The following MAP3K1 variants were observed in gnomAD, a reference collection of about 807,000 sequenced individuals.
MAP3K1 encodes the protein mitogen-activated protein kinase kinase kinase 1.
A neutral mutation model predicts 144.2 loss-of-function variants in MAP3K1; 36 were observed. The observed-to-expected ratio is 0.25, with a 90% CI of 0.19 to 0.33. The LOEUF (loss-of-function observed/expected upper bound fraction) is 0.33, where lower values mean the gene tolerates loss of function less well. Among genes scored for constraint, MAP3K1 ranks in the 10% least tolerant of loss-of-function variants. The pLI, the probability that MAP3K1 is intolerant of heterozygous loss-of-function variation, is 1.00. For missense variants in MAP3K1, 1,650 were observed against 1,881.9 expected (o/e 0.88, Z 2.28); for synonymous variants, 718 against 688.7 (o/e 1.04, Z -0.67).
chr5:56,820,569 C>T (rs148254837), intron 1 of MAP3K1: 175 of 985,148 alleles, frequency 1.8e-4, no homozygotes, highest in Non-Finnish European at 1.6e-4. Flanking sequence ...GAGGGTTAGT[C>T]ATTAGTGTTG....
At chr5:56,844,640 AC>A (rs1746935349) in intron 1 of MAP3K1, among the ~76,000 whole-genome samples, 1 of 152,128 alleles carries the variant, frequency 6.6e-6, no homozygotes, top group African/African-American at 2.4e-5. Flanking sequence ...AGATCACTCC[AC>A]CTTCGCAACT....
intron 1 of MAP3K1, among the ~76,000 whole-genome samples, chr5:56,845,253 T>A (rs1746953937): frequency 6.6e-6 from 1 of 152,220 alleles, no homozygotes; most frequent in Non-Finnish European, 1.5e-5. Flanking sequence ...CCTGTTGAGT[T>A]GACCACTTAG....
chr5:56,824,809 T>C lies in MAP3K1; in HGVS notation c.482+8754T>C, dbSNP rs1402733851. On this transcript the variant is annotated intron_variant, in intron 1 of 19. Coordinates refer to ENST00000399503, the MANE Select transcript of MAP3K1 (RefSeq NM_005921.2). Reference sequence around the variant, plus strand: ...TGGATGCTGCTTACCGAATGTCTTATCTATTATCTGTGTGGAGAAATCTTT... The same window carrying C: ...TGGATGCTGCTTACCGAATGTCTTACCTATTATCTGTGTGGAGAAATCTTT... 2.6e-5 allele frequency among the ~76,000 whole-genome samples: 4 copies of C among 152,234 alleles called. No individual in the cohort carries two copies. In the East Asian group the frequency reaches 5.8e-4, roughly 22 times the overall value.
rs1051867310 is a variant in MAP3K1 at position 56,815,711 on chromosome 5, G to A, written c.138G>A (p.Glu46=). The A allele has an allele frequency of 9.3e-5, 123 of 1,322,936 alleles. No homozygotes were observed. The African/African-American group carries it at 1.8e-3, about 19-fold the overall frequency. 81.9% of individuals were successfully genotyped at this position (1,322,936 alleles called of 1,614,324 possible). A position where few individuals can be genotyped will look rare whatever the true frequency, so the allele number is the denominator to read the frequency against. ...APAAAAGLLR[E]AGSGGRERAD... ...CGGCTGCCGCGGGACTGCTGCGGGA[G>A]GCGGGCAGCGGGGGCCGCGAGCGGG... is the stretch of plus-strand genomic sequence containing the variant. Residue 46 remains glutamate, a synonymous_variant, in exon 1 of 20, where the codon GAG becomes GAA. Coordinates refer to ENST00000399503, the MANE Select transcript of MAP3K1 (RefSeq NM_005921.2).
chr5:56,843,105 T>A (rs1561173200), intron 1 of MAP3K1, among the ~76,000 whole-genome samples: 1 of 152,208 alleles, frequency 6.6e-6, no homozygotes, highest in African/African-American at 2.4e-5. Flanking sequence ...CCTGTTAAAA[T>A]GGGGTCATTT....
intron 1 of MAP3K1, among the ~76,000 whole-genome samples, chr5:56,832,675 G>A (rs937528140): frequency 2.0e-5 from 3 of 151,996 alleles, no homozygotes; most frequent in Non-Finnish European, 4.4e-5. Flanking sequence ...TAAATCAAGA[G>A]GTAAGTTTGT....
At chr5:56,826,199 T>C (rs1746309011) in intron 1 of MAP3K1, among the ~76,000 whole-genome samples, 1 of 152,128 alleles carries the variant, frequency 6.6e-6, no homozygotes, top group African/African-American at 2.4e-5. Context: ...TTGTTTTGTT[T>C]TTATTCTCTT....
At chr5:56,821,029 C>A (rs1209340184) in intron 1 of MAP3K1, among the ~76,000 whole-genome samples, 2 of 152,246 alleles carry the variant, frequency 1.3e-5, no homozygotes, top group African/African-American at 4.8e-5. Context: ...ACATCTGCTA[C>A]TGCTAGTTCT....
chr5:56,822,530 G>T (rs1746184151), intron 1 of MAP3K1, among the ~76,000 whole-genome samples: 1 of 152,130 alleles, frequency 6.6e-6, no homozygotes, highest in Admixed American at 6.5e-5. Context: ...AGCCCCTCCT[G>T]ATTTTCTACT....
chr5:56,873,618 A>G lies in MAP3K1; in HGVS notation c.1686+613A>G, dbSNP rs199791534. On this transcript the variant is annotated intron_variant, in intron 9 of 19. Coordinates refer to ENST00000399503, the MANE Select transcript of MAP3K1 (RefSeq NM_005921.2). The stretch of plus-strand genomic sequence containing the variant: ...TTGGTTGTTGAATGCTCAGTCTATT[A>G]TTTTTTAAATGTAGGATCTAAAACC... Among the ~76,000 whole-genome samples the G allele has an allele frequency of 8.5e-5, 13 of 152,172 alleles. No individual in the cohort carries two copies. The East Asian group carries it at 2.5e-3, about 29-fold the overall frequency.
intron 1 of MAP3K1, among the ~76,000 whole-genome samples, chr5:56,825,756 C>G (rs184173665): frequency 6.6e-6 from 1 of 152,198 alleles, no homozygotes; most frequent in Non-Finnish European, 1.5e-5. Flanking sequence ...ATCCAACTTC[C>G]TCCACTGCCA....
intron 1 of MAP3K1, among the ~76,000 whole-genome samples, chr5:56,820,994 G>A (rs1746137592): frequency 1.3e-5 from 2 of 152,080 alleles, no homozygotes; most frequent in Non-Finnish European, 2.9e-5. Flanking sequence ...AAATTAAAAA[G>A]GAGATACGGG....
chr5:56,884,866 AT>A, intron 16 of MAP3K1, 40 bp downstream of exon 16: 1 of 1,580,150 alleles, frequency 6.3e-7, no homozygotes, highest in Non-Finnish European at 8.7e-7. Context: ...TAGTACGTGG[AT>A]TTAACTTTCT....
At chr5:56,820,822 T>C in intron 1 of MAP3K1, 1 of 984,870 alleles carries the variant, frequency 1.0e-6, no homozygotes, top group Non-Finnish European at 1.2e-6. Flanking sequence ...TGTCGGTAGG[T>C]TGTAGTATGA....
chr5:56,815,647 G>A lies in MAP3K1; in HGVS notation c.74G>A (p.Gly25Asp). 7.5e-7 allele frequency: 1 copy of A among 1,335,754 alleles called. No individual in the cohort carries two copies. The highest frequency in any genetic ancestry group is 9.6e-7 in the Non-Finnish European group (1 of 1,043,060). The allele number at this position is 1,335,754 out of a possible 1,614,324, so 82.7% of individuals were successfully genotyped here. The change falls in exon 1 of 20, where the codon GGC becomes GAC. Residue 25 changes from glycine (G) to aspartate (D), a missense_variant. Transcript: ENST00000399503. ...GCCAGGGCTACGAGCCCTGAGGCAG[G>A]CGGCGGCGGAGGAGCCCTCAAGGCG... ...PGARATSPEA[G>D]GGGGALKASS... is the part of the protein sequence containing the mutation.
At chr5:56,863,731 A>G (rs992098478) in intron 3 of MAP3K1, among the ~76,000 whole-genome samples, 2 of 152,222 alleles carry the variant, frequency 1.3e-5, no homozygotes, top group South Asian at 2.1e-4. Context: ...CCAGCTGCAC[A>G]TTTTACATTC....
chr5:56,851,982 A>T (rs1283943717), intron 1 of MAP3K1: 1 of 152,182 alleles, frequency 6.6e-6, no homozygotes, highest in Non-Finnish European at 1.5e-5. Context: ...ATTGTAGTTA[A>T]TATTTACCAT....
At chr5:56,879,181 A>G in intron 11 of MAP3K1, 80 bp downstream of exon 11, 2 of 1,431,842 alleles carry the variant, frequency 1.4e-6, no homozygotes, top group South Asian at 2.3e-5. Context: ...TAGTGTGAAT[A>G]TCTGATACAT....
At chr5:56,823,062 C>T (rs1649696680) in intron 1 of MAP3K1, among the ~76,000 whole-genome samples, 2 of 152,210 alleles carry the variant, frequency 1.3e-5, no homozygotes, top group African/African-American at 4.8e-5. Context: ...CCAGAGTGAT[C>T]ATTTCCAAAT....
Sources: gnomAD v4.1 joint callset for allele counts (sites outside exome capture counted in the v4.1 genomes callset) on GRCh38, gnomAD v4.1.1 for gene constraint, MANE v1.5 for transcripts, NCBI Gene and HGNC (gene_info 2026-07-23, HGNC 2026-07-21) for gene names.